Variants in SCAPER observed in about 807,000 individuals in gnomAD.
The protein encoded by SCAPER is S-phase cyclin A associated protein in the ER, also known as S phase cyclin A-associated protein in the endoplasmic reticulum.
A neutral mutation model predicts 182.2 loss-of-function variants in SCAPER; 98 were observed. That is an observed-to-expected ratio of 0.54 (90% CI 0.46 to 0.64). The LOEUF is 0.64. SCAPER is among the 30% of genes least tolerant of loss of function. The pLI, the probability that SCAPER is intolerant of heterozygous loss-of-function variation, is 0.00. For synonymous variants in SCAPER, 605 were observed against 564.6 expected (o/e 1.07, Z -1.01); for missense variants, 1,432 against 1,690.0 (o/e 0.85, Z 2.68).
intron 3 of SCAPER, among the ~76,000 whole-genome samples, chr15:76,859,947 C>T (rs796449159): frequency 8.5e-5 from 13 of 152,216 alleles, no homozygotes; most frequent in African/African-American, 3.1e-4. Flanking sequence ...AACTCCTGAG[C>T]TCAGGCAATC....
At chr15:76,362,570 G>A (rs918530021) in intron 29 of SCAPER, among the ~76,000 whole-genome samples, 10 of 151,232 alleles carry the variant, frequency 6.6e-5, no homozygotes, top group Admixed American at 3.3e-4. Flanking sequence ...GTGCCACCAT[G>A]CCCGGCTAAT....
chr15:76,764,358 A>G (rs2062986469), intron 14 of SCAPER, among the ~76,000 whole-genome samples: 1 of 152,218 alleles, frequency 6.6e-6, no homozygotes. Context: ...AGAAGTGAGC[A>G]TCCCTGGTAG....
chr15:76,850,077 C>T (rs2070572778), intron 4 of SCAPER, among the ~76,000 whole-genome samples: 1 of 152,166 alleles, frequency 6.6e-6, no homozygotes, highest in Admixed American at 6.5e-5. Context: ...ATGGGGATTA[C>T]AATTCAAGGT....
chr15:76,848,612 G>A lies in SCAPER; in HGVS notation c.196-6681C>T, dbSNP rs62029229. Among the ~76,000 whole-genome samples the A allele has an allele frequency of 5.5e-3, 841 of 152,224 alleles. 4 individuals are homozygous for A. Among genetic ancestry groups the A allele is most frequent in the Non-Finnish European group, 9.0e-3 (615 of 68,018 alleles). Reference sequence around the variant, plus strand: ...GCCTCCCAAAGTGCTGGGATTATAGGCGTGAGCCACCATGCCCGGGCAAAG... The same window carrying A: ...GCCTCCCAAAGTGCTGGGATTATAGACGTGAGCCACCATGCCCGGGCAAAG... On this transcript the variant is annotated intron_variant, in intron 4 of 31. Coordinates refer to ENST00000563290, the MANE Select transcript of SCAPER (RefSeq NM_020843.4).
chr15:76,367,315 G>C (rs1033613838), intron 29 of SCAPER, among the ~76,000 whole-genome samples: 1 of 152,164 alleles, frequency 6.6e-6, no homozygotes, highest in African/African-American at 2.4e-5. Context: ...TCCTATCTCA[G>C]GAGAGGTGTT....
At chr15:76,567,001 C>T (rs1301352546) in intron 23 of SCAPER, among the ~76,000 whole-genome samples, 1 of 151,954 alleles carries the variant, frequency 6.6e-6, no homozygotes, top group Non-Finnish European at 1.5e-5. Context: ...TCACACATCT[C>T]ACCCTTCTCT....
chr15:76,419,668 C>T (rs887770614), intron 26 of SCAPER, among the ~76,000 whole-genome samples: 35 of 151,700 alleles, frequency 2.3e-4, no homozygotes, highest in Admixed American at 5.9e-4. Flanking sequence ...TGTGGTGAGC[C>T]GAGATTGTAC....
chr15:76,886,351 G>A (rs746893293), intron 1 of SCAPER, among the ~76,000 whole-genome samples: 18 of 152,128 alleles, frequency 1.2e-4, no homozygotes, highest in East Asian at 1.9e-4. Context: ...GTGGTGGTGC[G>A]CGCCTGTAAT....
At chr15:76,436,555 G>C (rs1252657314) in intron 25 of SCAPER, among the ~76,000 whole-genome samples, 1 of 151,522 alleles carries the variant, frequency 6.6e-6, no homozygotes, top group Non-Finnish European at 1.5e-5. Context: ...ATATGTTTTG[G>C]TAGTGTCTTG....
intron 4 of SCAPER, among the ~76,000 whole-genome samples, chr15:76,849,405 G>C (rs1463700274): frequency 1.3e-5 from 2 of 152,278 alleles, no homozygotes; most frequent in East Asian, 3.9e-4. Context: ...GTCTCCCATG[G>C]GTCCCGCCCA....
At chr15:76,461,587 C>G (rs879350046) in intron 25 of SCAPER, among the ~76,000 whole-genome samples, 1 of 151,516 alleles carries the variant, frequency 6.6e-6, no homozygotes, top group East Asian at 1.9e-4. Flanking sequence ...CTGTTTGATT[C>G]TTTATTATGT....
At chr15:76,378,337 G>A (rs2141911244) in intron 28 of SCAPER, among the ~76,000 whole-genome samples, 1 of 152,294 alleles carries the variant, frequency 6.6e-6, no homozygotes, top group Non-Finnish European at 1.5e-5. Context: ...GTCAGATCAT[G>A]CTGAGATGTA....
chr15:76,401,430 T>A (rs561015372), intron 27 of SCAPER, among the ~76,000 whole-genome samples: 6 of 152,342 alleles, frequency 3.9e-5, no homozygotes, highest in South Asian at 4.1e-4. Context: ...CATGTCTCAG[T>A]TGGATTATGC....
At chr15:76,580,823 G>T (rs1270570842) in intron 22 of SCAPER, among the ~76,000 whole-genome samples, 1 of 151,984 alleles carries the variant, frequency 6.6e-6, no homozygotes, top group African/African-American at 2.4e-5. Flanking sequence ...GAGCAGAAAT[G>T]AATGAAATTG....
At chr15:76,494,144 A>G (rs2040269587) in intron 24 of SCAPER, among the ~76,000 whole-genome samples, 1 of 152,212 alleles carries the variant, frequency 6.6e-6, no homozygotes, top group African/African-American at 2.4e-5. Flanking sequence ...GGTGACACAT[A>G]GGTTCCAGTT....
rs143211655 is a variant in SCAPER at position 76,424,611 on chromosome 15, G to A, written c.3311+9467C>T. Among the ~76,000 whole-genome samples the A allele has an allele frequency of 5.4e-3, 826 of 152,120 alleles. 8 individuals are homozygous for A. Among genetic ancestry groups the A allele is most frequent in the African/African-American group, 0.019 (794 of 41,494 alleles). On this transcript the variant is annotated intron_variant, in intron 26 of 31. Transcript: ENST00000563290. Reference sequence around the variant, plus strand: ...GTCTTTTAATTGGAGCATTTAGCCCGTTTACATTTAAGGTTAATATTGTTA... The same window carrying A: ...GTCTTTTAATTGGAGCATTTAGCCCATTTACATTTAAGGTTAATATTGTTA...
At chr15:76,842,864 T>C (rs924401398) in intron 4 of SCAPER, among the ~76,000 whole-genome samples, 2 of 152,162 alleles carry the variant, frequency 1.3e-5, no homozygotes, top group Non-Finnish European at 2.9e-5. Context: ...CATTAGACTG[T>C]TGGCTGAGGT....
intron 6 of SCAPER, among the ~76,000 whole-genome samples, chr15:76,801,718 G>C (rs115554729): frequency 6.6e-6 from 1 of 151,986 alleles, no homozygotes; most frequent in Non-Finnish European, 1.5e-5. Context: ...TCAGGAGTTC[G>C]AGATCAGCCT....
At chr15:76,833,732 T>C (rs570344741) in intron 5 of SCAPER, among the ~76,000 whole-genome samples, 2 of 152,136 alleles carry the variant, frequency 1.3e-5, no homozygotes, top group South Asian at 4.2e-4. Context: ...CAAAACAGAT[T>C]TTCAACCAAC....
Sources: allele counts gnomAD v4.1 joint callset (sites outside exome capture counted in the v4.1 genomes callset), GRCh38; gene constraint gnomAD v4.1.1; transcripts MANE v1.5; gene names NCBI Gene and HGNC (gene_info 2026-07-23, HGNC 2026-07-21).